THSD7B: variants seen among roughly 807,000 people sequenced by gnomAD.
THSD7B encodes the protein thrombospondin type-1 domain-containing protein 7B.
Under a neutral mutation model 213.6 loss-of-function variants are expected in THSD7B, and 138 were observed. The ratio of observed to expected loss-of-function variants is 0.65; its 90% CI spans 0.56 to 0.74. The LOEUF (loss-of-function observed/expected upper bound fraction) is 0.74. Ranked by LOEUF, THSD7B falls within the 30% of genes least tolerant of loss-of-function variation. THSD7B has a pLI of 0.00. For missense variants in THSD7B, 1,931 were observed against 1,991.5 expected, an observed-to-expected ratio of 0.97 and a Z score of 0.58; for synonymous variants, 742 against 687.0, an observed-to-expected ratio of 1.08 and a Z score of -1.25.
At chr2:136,800,772 C>CAGAGAGAGAG (rs146528799) in intron 1 of THSD7B, among the ~76,000 whole-genome samples, 1 of 146,772 alleles carries the variant, frequency 6.8e-6, no homozygotes, top group Non-Finnish European at 1.5e-5. Context: ...AATGGTAAGG[C>CAGAGAGAGAG]AGAGAGAGAG....
chr2:137,056,805 T>A lies in THSD7B; in HGVS notation c.525T>A (p.Pro175=). The A allele has an allele frequency of 6.2e-7, 1 of 1,613,966 alleles. No homozygotes were observed. Among genetic ancestry groups the A allele is most frequent in the Non-Finnish European group, 8.5e-7 (1 of 1,179,880 alleles). The change falls in exon 3 of 28, where the codon CCT becomes CCA. Residue 175 remains proline (P), a synonymous_variant. Transcript: ENST00000409968. ...CTACAGAACAGGCTTGCCTCATTCC[T>A]TGTCCCCGGGATTGTGTAGTATCTG... is the stretch of plus-strand genomic sequence containing the variant. ...QPPTEQACLI[P]CPRDCVVSEF...
At chr2:137,377,399 A>G (rs1252450054) in intron 12 of THSD7B, among the ~76,000 whole-genome samples, 1 of 152,188 alleles carries the variant, frequency 6.6e-6, no homozygotes, top group Admixed American at 6.5e-5. Context: ...TTGTGGGTAT[A>G]CTTTTATTTA....
intron 15 of THSD7B, among the ~76,000 whole-genome samples, chr2:137,454,420 G>A (rs1021484493): frequency 2.3e-5 from 3 of 129,382 alleles, no homozygotes; most frequent in African/African-American, 8.8e-5. Flanking sequence ...CTGTCTGTCT[G>A]TCTGTCTATC....
intron 2 of THSD7B, among the ~76,000 whole-genome samples, chr2:137,018,503 C>T (rs1686383557): frequency 6.6e-6 from 1 of 152,132 alleles, no homozygotes; most frequent in Admixed American, 6.6e-5. Context: ...CAAGGATTCA[C>T]CAGCACATGT....
At chr2:137,558,610 C>A (rs540806188) in intron 15 of THSD7B, among the ~76,000 whole-genome samples, 27 of 152,272 alleles carry the variant, frequency 1.8e-4, no homozygotes, top group East Asian at 1.4e-3. Flanking sequence ...CAATATCATA[C>A]TGAATAGGCA....
At chr2:136,911,773 C>A (rs920946530) in intron 2 of THSD7B, among the ~76,000 whole-genome samples, 1 of 152,178 alleles carries the variant, frequency 6.6e-6, no homozygotes, top group Admixed American at 6.5e-5. Context: ...TGCCATGCTA[C>A]TACTACTACA....
chr2:136,940,003 C>T (rs1472764222), intron 2 of THSD7B, among the ~76,000 whole-genome samples: 1 of 152,118 alleles, frequency 6.6e-6, no homozygotes, highest in Non-Finnish European at 1.5e-5. Context: ...CCAGGAAGTC[C>T]TTCCTTCTGT....
At chr2:137,603,188 G>T (rs77506396) in intron 17 of THSD7B, among the ~76,000 whole-genome samples, 2,250 of 152,226 alleles carry the variant, frequency 0.015, 146 homozygotes, top group East Asian at 0.13. Flanking sequence ...CCACCACTTT[G>T]TATTTGTAGA....
In THSD7B at chr2:137,231,031, T is replaced by C; in HGVS notation, c.1724-13T>C. ...GCATTAATCACCAACTGTCTTGATC[T>C]TGTTGATTGTAGGAGAAGATGTATC... On this transcript the variant is annotated splice_polypyrimidine_tract_variant and intron_variant, in intron 7 of 27. Coordinates refer to ENST00000409968, the MANE Select transcript of THSD7B (RefSeq NM_001316349.2). The C allele has an allele frequency of 6.2e-7, 1 of 1,611,470 alleles. No individual in the cohort carries two copies. The highest frequency in any genetic ancestry group is 1.1e-5 in the South Asian group (1 of 90,916).
intron 3 of THSD7B, among the ~76,000 whole-genome samples, chr2:137,073,418 G>A (rs112429799): frequency 0.012 from 1,829 of 152,244 alleles, 20 homozygotes; most frequent in East Asian, 0.021. Flanking sequence ...TTCTCTGATG[G>A]TAGTTTGTAT....
In THSD7B at chr2:137,563,265, C is replaced by T. The variant is rs745913634; in HGVS notation, c.3183C>T (p.Ser1061=). The T allele has an allele frequency of 6.2e-7, 1 of 1,613,396 alleles. No individual in the cohort carries two copies. The highest frequency in any genetic ancestry group is 1.3e-5 in the African/African-American group (1 of 74,988). ...GTTACAGTGAGTGCAATCAGTATTC[C>T]TGGGTTGTAGAACACTGGTCTTCAT... ...VPCYSECNQY[S]WVVEHWSSCK... The change falls in exon 16 of 28, where the codon TCC becomes TCT. Residue 1061 remains serine (S), a synonymous_variant. Coordinates refer to ENST00000409968, the MANE Select transcript of THSD7B (RefSeq NM_001316349.2).
chr2:136,882,407 G>A, intron 2 of THSD7B, 90 bp downstream of exon 2: 1 of 1,288,184 alleles, frequency 7.8e-7, no homozygotes, highest in Non-Finnish European at 9.9e-7. Context: ...CTAAAGTAGT[G>A]GGAAATATCC....
rs182743463 is a variant in THSD7B at position 137,488,060 on chromosome 2, G to T, written c.3138+37037G>T. ...TTACAGGCGTGAGCCACCGCGCCCGGCCTATTTTGAGGTTTCTTAAGGTGT... is the reference window on the plus strand; with the variant it reads ...TTACAGGCGTGAGCCACCGCGCCCGTCCTATTTTGAGGTTTCTTAAGGTGT... On this transcript the variant is annotated intron_variant, in intron 15 of 27. Coordinates refer to ENST00000409968, the MANE Select transcript of THSD7B (RefSeq NM_001316349.2). 1.6e-4 allele frequency among the ~76,000 whole-genome samples: 2 copies of T among 12,250 alleles called. 1 individual carries two copies. The highest frequency in any genetic ancestry group is 3.2e-4 in the African/African-American group (2 of 6,210). 8.0% of individuals were successfully genotyped at this position (12,250 alleles called of 152,430 possible).
At position 137,614,978 on chromosome 2, in the gene THSD7B, T is replaced by G. The variant is rs140970512; in HGVS notation, c.3424-1197T>G. ...TTATAGAAATGGTGATTTGATGATCTTCATCCAGAGACTTTTATTTTTCCC... is the reference window on the plus strand; with the variant it reads ...TTATAGAAATGGTGATTTGATGATCGTCATCCAGAGACTTTTATTTTTCCC... On this transcript the variant is annotated intron_variant, in intron 17 of 27. Coordinates refer to ENST00000409968, the MANE Select transcript of THSD7B (RefSeq NM_001316349.2). 3.9e-5 allele frequency among the ~76,000 whole-genome samples: 6 copies of G among 152,322 alleles called. No homozygotes were observed. The East Asian group carries it at 1.2e-3, about 29-fold the overall frequency.
chr2:136,990,933 A>C, intron 2 of THSD7B: 2 of 1,345,534 alleles, frequency 1.5e-6, no homozygotes, highest in Non-Finnish European at 2.0e-6. Context: ...ATCACAAATT[A>C]GCAGGTAAAT....
In THSD7B at chr2:137,082,106, A is replaced by AT. The variant is rs559944658; in HGVS notation, c.951-12763dup. 3.2e-4 allele frequency among the ~76,000 whole-genome samples: 48 copies of AT among 152,098 alleles called. 2 individuals are homozygous for AT. The highest frequency in any genetic ancestry group is 1.2e-3 in the Admixed American group (18 of 15,262). On this transcript the variant is annotated intron_variant, in intron 3 of 27. Coordinates refer to ENST00000409968, the MANE Select transcript of THSD7B (RefSeq NM_001316349.2). ...TGCCAAGTTCCGAACTGTTTTCTGT[A>AT]TTTTGAAGGCATCGTTGAACTTTCT...
intron 3 of THSD7B, among the ~76,000 whole-genome samples, chr2:137,067,378 C>CA (rs1479883541): frequency 1.3e-5 from 2 of 151,830 alleles, no homozygotes; most frequent in African/African-American, 2.4e-5. Context: ...GTGTCAGGGG[C>CA]AAAAAATCTC....
chr2:137,034,810 G>A (rs1488178547), intron 2 of THSD7B, among the ~76,000 whole-genome samples: 2 of 152,152 alleles, frequency 1.3e-5, no homozygotes, highest in South Asian at 2.1e-4. Flanking sequence ...TGGTGTATAT[G>A]TGCCACATTT....
intron 2 of THSD7B, among the ~76,000 whole-genome samples, chr2:136,923,855 T>G (rs937821596): frequency 6.6e-6 from 1 of 152,184 alleles, no homozygotes; most frequent in African/African-American, 2.4e-5. Context: ...GGATACTAAC[T>G]CCTTATCAGA....
Sources: gnomAD v4.1 joint callset for allele counts (sites outside exome capture counted in the v4.1 genomes callset) on GRCh38, gnomAD v4.1.1 for gene constraint, MANE v1.5 for transcripts, NCBI Gene and HGNC (gene_info 2026-07-23, HGNC 2026-07-21) for gene names.